Variants in RNLS observed in about 807,000 individuals in gnomAD.
RNLS encodes renalase.
RNLS carries 39 observed loss-of-function variants against 39.8 expected under a neutral mutation model. The ratio of observed to expected loss-of-function variants is 0.98; its 90% confidence interval spans 0.76 to 1.28. The LOEUF is 1.28. Ranked by LOEUF, RNLS falls within the 50% of genes most tolerant of loss-of-function variation. The probability of loss-of-function intolerance (pLI) is 0.00; values close to 1 mark genes in which losing one functional copy is unlikely to be tolerated. For synonymous variants in RNLS, 147 were observed against 150.7 expected (o/e 0.98, Z 0.18); for missense variants, 410 against 413.3 (o/e 0.99, Z 0.07).
At chr10:88,442,685 G>C (rs1409259034) in intron 4 of RNLS, among the ~76,000 whole-genome samples, 3 of 152,002 alleles carry the variant, frequency 2.0e-5, no homozygotes, top group Non-Finnish European at 4.4e-5. Flanking sequence ...ACTTGCCCCT[G>C]AGGATTCTTT....
the RNLS span, among the ~76,000 whole-genome samples, chr10:88,214,050 C>G: frequency 1.3e-5 from 2 of 152,080 alleles, no homozygotes; most frequent in African/African-American, 2.4e-5. Context: ...CTCCATTTCT[C>G]GGCTCTGTCT....
intron 4 of RNLS, among the ~76,000 whole-genome samples, chr10:88,477,994 G>C (rs987989568): frequency 6.6e-6 from 1 of 152,164 alleles, no homozygotes; most frequent in African/African-American, 2.4e-5. Flanking sequence ...GCCTATTTCA[G>C]ATAGATTAAC....
intron 4 of RNLS, among the ~76,000 whole-genome samples, chr10:88,439,321 G>T (rs889484775): frequency 1.3e-5 from 2 of 152,016 alleles, no homozygotes; most frequent in Admixed American, 6.5e-5. Context: ...ATTATTGCTG[G>T]CATTATAAGC....
chr10:88,402,369 A>T (rs1382780608), intron 4 of RNLS, among the ~76,000 whole-genome samples: 1 of 152,002 alleles, frequency 6.6e-6, no homozygotes, highest in East Asian at 1.9e-4. Flanking sequence ...ACAAATACTA[A>T]ACTTGTTTTT....
intron 4 of RNLS, among the ~76,000 whole-genome samples, chr10:88,425,832 A>G (rs1854716840): frequency 6.6e-6 from 1 of 152,064 alleles, no homozygotes; most frequent in Non-Finnish European, 1.5e-5. Flanking sequence ...AGATAAGTAG[A>G]AAAAGACATT....
chr10:88,198,383 C>T, the RNLS span, among the ~76,000 whole-genome samples: 1 of 152,196 alleles, frequency 6.6e-6, no homozygotes, highest in South Asian at 2.1e-4. Context: ...AGAGGGAAGG[C>T]TACCTAGGAA....
At chr10:88,543,015 T>G (rs568604886) in intron 4 of RNLS, among the ~76,000 whole-genome samples, 1 of 152,116 alleles carries the variant, frequency 6.6e-6, no homozygotes, top group Non-Finnish European at 1.5e-5. Flanking sequence ...GACAACTCCA[T>G]GAGGAGTTTT....
At chr10:88,504,359 T>TA (rs1491334839) in intron 4 of RNLS, among the ~76,000 whole-genome samples, 1 of 152,010 alleles carries the variant, frequency 6.6e-6, no homozygotes, top group Non-Finnish European at 1.5e-5. Flanking sequence ...TTCTTTTTTT[T>TA]AAAAAAAGGT....
chr10:88,518,071 C>T (rs1373632244), intron 4 of RNLS, among the ~76,000 whole-genome samples: 1 of 151,846 alleles, frequency 6.6e-6, no homozygotes, highest in Non-Finnish European at 1.5e-5. Context: ...ATAGAGCTGA[C>T]TCTAGATGCT....
In RNLS at chr10:88,324,739, A is replaced by G. The variant is rs117353713; in HGVS notation, c.701-10098T>C. Among the ~76,000 whole-genome samples the G allele has an allele frequency of 1.2e-3, 176 of 152,264 alleles. 2 individuals carry two copies. The East Asian group carries it at 0.02, about 17-fold the overall frequency. The stretch of plus-strand genomic sequence containing the variant: ...TTTTTAAAAGCCAACAATGACCACT[A>G]TCCATCTCCTAAACTTTTTCATCTT... On this transcript the variant is annotated intron_variant, in intron 5 of 6. Transcript: ENST00000331772.
chr10:88,374,409 C>A (rs1408536443), intron 4 of RNLS, among the ~76,000 whole-genome samples: 2 of 152,086 alleles, frequency 1.3e-5, no homozygotes, highest in Non-Finnish European at 2.9e-5. Flanking sequence ...ACCTCTTATG[C>A]CTAGAACATA....
Position 88,436,752 on chromosome 10 carries a change from C to CT in RNLS, c.527-74028dup, listed in dbSNP as rs531519409. Among the ~76,000 whole-genome samples the CT allele has an allele frequency of 1.7e-3, 255 of 145,738 alleles. 1 individual carries two copies. The highest frequency in any genetic ancestry group is 5.2e-3 in the Admixed American group (76 of 14,604). ...TTTACCCCTATAATTAGATAAAAGTCTTTTTTTTTTTAAAGGGAATGCAGG... is the reference window on the plus strand; with the variant it reads ...TTTACCCCTATAATTAGATAAAAGTCTTTTTTTTTTTTAAAGGGAATGCAGG... On this transcript the variant is annotated intron_variant, in intron 4 of 6. Transcript: ENST00000331772.
intron 4 of RNLS, among the ~76,000 whole-genome samples, chr10:88,476,936 T>A (rs1209340512): frequency 6.6e-6 from 1 of 151,994 alleles, no homozygotes; most frequent in Non-Finnish European, 1.5e-5. Context: ...TTAAATTTAT[T>A]TAAACAGAGA....
intron 4 of RNLS, among the ~76,000 whole-genome samples, chr10:88,538,926 G>A (rs914284443): frequency 2.0e-5 from 3 of 152,114 alleles, no homozygotes; most frequent in African/African-American, 7.2e-5. Context: ...GTGTCTCCCA[G>A]ATTTATGACT....
chr10:88,439,493 T>C (rs1033671692), intron 4 of RNLS, among the ~76,000 whole-genome samples: 3 of 152,198 alleles, frequency 2.0e-5, no homozygotes, highest in South Asian at 2.1e-4. Flanking sequence ...TAGGGTGGTT[T>C]TGAGGACCTA....
At chr10:88,279,469 G>A (rs996414230), downstream of RNLS, among the ~76,000 whole-genome samples, 3 of 152,000 alleles carry the variant, frequency 2.0e-5, no homozygotes, top group Non-Finnish European at 4.4e-5. Flanking sequence ...AGGGCCCTGC[G>A]GCTCGAGACA....
At chr10:88,553,243 T>C (rs764095126) in intron 4 of RNLS, among the ~76,000 whole-genome samples, 1 of 152,186 alleles carries the variant, frequency 6.6e-6, no homozygotes, top group East Asian at 1.9e-4. Context: ...GCATGACACA[T>C]AGCAATATAA....
At chr10:88,474,072 A>C (rs567414242) in intron 4 of RNLS, among the ~76,000 whole-genome samples, 1 of 152,322 alleles carries the variant, frequency 6.6e-6, no homozygotes, top group African/African-American at 2.4e-5. Context: ...AATAACATTC[A>C]ATCAGGAAAT....
At chr10:88,352,870 A>G (rs1348118361) in intron 5 of RNLS, among the ~76,000 whole-genome samples, 1 of 152,160 alleles carries the variant, frequency 6.6e-6, no homozygotes, top group Non-Finnish European at 1.5e-5. Context: ...TATTGCCTCA[A>G]TTTCAGAGCC....
Sources: gnomAD v4.1 joint callset for allele counts (sites outside exome capture counted in the v4.1 genomes callset) on GRCh38, gnomAD v4.1.1 for gene constraint, MANE v1.5 for transcripts, NCBI Gene and HGNC (gene_info 2026-07-23, HGNC 2026-07-21) for gene names.